Variants in CENPC observed in about 807,000 individuals in gnomAD.
The protein encoded by CENPC is CENP-C 1.
A neutral mutation model predicts 112.1 loss-of-function variants in CENPC; 63 were observed. The ratio of observed to expected loss-of-function variants is 0.56; its 90% CI spans 0.46 to 0.69. The LOEUF (loss-of-function observed/expected upper bound fraction) is 0.69. Among genes scored for constraint, CENPC ranks in the 30% least tolerant of loss-of-function variants. CENPC has a pLI of 0.00. For missense variants in CENPC, 1,000 were observed against 1,103.8 expected, an observed-to-expected ratio of 0.91 and a Z score of 1.33; for synonymous variants, 333 against 367.6, an observed-to-expected ratio of 0.91 and a Z score of 1.08.
intron 4 of CENPC, among the ~76,000 whole-genome samples, chr4:67,531,581 G>C (rs537743543): frequency 5.9e-5 from 9 of 152,222 alleles, no homozygotes; most frequent in Admixed American, 1.3e-4. Context: ...TTTCCTTCTG[G>C]GAGTGCGTAA....
chr4:67,509,143 G>T (rs368403874), intron 9 of CENPC, 38 bp from the exon 10 acceptor site: 1 of 1,518,644 alleles, frequency 6.6e-7, no homozygotes, highest in South Asian at 1.2e-5. Context: ...TAGTAAGTTT[G>T]TCCAGATGAT....
intron 5 of CENPC, among the ~76,000 whole-genome samples, chr4:67,528,825 G>C (rs555902489): frequency 1.3e-5 from 2 of 151,972 alleles, no homozygotes; most frequent in South Asian, 4.2e-4. Context: ...AATTCTTTTG[G>C]GTATATACCT....
At chr4:67,542,145 G>C (rs2109837741) in intron 2 of CENPC, among the ~76,000 whole-genome samples, 1 of 152,284 alleles carries the variant, frequency 6.6e-6, no homozygotes. Flanking sequence ...CTCTAACAGA[G>C]TGGACAAACT....
intron 14 of CENPC, 35 bp downstream of exon 14, chr4:67,493,849 T>C (rs376747591): frequency 6.9e-7 from 1 of 1,442,202 alleles, no homozygotes; most frequent in South Asian, 1.2e-5. Context: ...AACAAATTTT[T>C]TATTGACAGA....
chr4:67,518,169 T>C lies in CENPC; in HGVS notation c.817A>G (p.Lys273Glu). 1 of 1,537,124 alleles carries C rather than the reference T, an allele frequency of 6.5e-7. No homozygotes were observed. The highest frequency in any genetic ancestry group is 8.8e-7 in the Non-Finnish European group (1 of 1,139,496). The change falls in exon 7 of 19, where the codon AAA becomes GAA. Residue 273 changes from lysine to glutamate, a missense_variant. By Grantham distance (56) the Lys-to-Glu change is moderately conservative (BLOSUM62 1). Transcript: ENST00000273853. ...STLFLETVKR[K>E]SESSPIVRHA... ...TTAATAACTCACCTGGATTCACTTTTTCGTTTTACTGTTTCTAAAAACAAT... is the reference window on the plus strand; with the variant it reads ...TTAATAACTCACCTGGATTCACTTTCTCGTTTTACTGTTTCTAAAAACAAT...
rs1465487230 is a variant in CENPC, at chr4:67,530,837, T to C, written c.309A>G (p.Pro103=). ...AACCTGATCTGTTTGTGGCTTCACT[T>C]GGTTCTACAACAAACTGTAGAGAGG... ...KEASLQFVVE[P]SEATNRSVQA... is the part of the protein sequence containing the mutation. The change falls in exon 5 of 19, where the codon CCA becomes CCG. Residue 103 remains proline (P), a synonymous_variant. Coordinates refer to ENST00000273853, the MANE Select transcript of CENPC (RefSeq NM_001812.4). 1 of 1,597,724 alleles carries C rather than the reference T, an allele frequency of 6.3e-7. No individual in the cohort carries two copies. Among genetic ancestry groups the C allele is most frequent in the South Asian group, 1.1e-5 (1 of 88,468 alleles).
At chr4:67,530,975 A>G in intron 4 of CENPC, 61 bp from the exon 5 acceptor site, 1 of 817,896 alleles carries the variant, frequency 1.2e-6, no homozygotes. Flanking sequence ...TCAATGAAAT[A>G]TATTTGTTTT....
chr4:67,496,749 G>T (rs1012196304), intron 12 of CENPC, among the ~76,000 whole-genome samples: 5 of 152,084 alleles, frequency 3.3e-5, no homozygotes, highest in African/African-American at 9.7e-5. Context: ...AGGGTAAAGG[G>T]GTTTCTTTTT....
At chr4:67,494,045 C>T in intron 13 of CENPC, 57 bp from the exon 14 acceptor site, 1 of 986,094 alleles carries the variant, frequency 1.0e-6, no homozygotes, top group East Asian at 2.7e-5. Flanking sequence ...TGGTACTTAG[C>T]AGTGGAAAGA....
At chr4:67,494,866 T>C (rs1463283183) in intron 13 of CENPC, among the ~76,000 whole-genome samples, 1 of 152,174 alleles carries the variant, frequency 6.6e-6, no homozygotes, top group East Asian at 1.9e-4. Flanking sequence ...AGTTACAGTT[T>C]CTTTGACAAA....
At chr4:67,488,786 T>C (rs1238283551) in intron 17 of CENPC, among the ~76,000 whole-genome samples, 1 of 152,006 alleles carries the variant, frequency 6.6e-6, no homozygotes, top group Non-Finnish European at 1.5e-5. Context: ...TGGAGGCCTA[T>C]AACATTTTCA....
chr4:67,529,890 A>G (rs1726494707), intron 5 of CENPC, among the ~76,000 whole-genome samples: 1 of 152,148 alleles, frequency 6.6e-6, no homozygotes, highest in Non-Finnish European at 1.5e-5. Context: ...TTGACAGAGG[A>G]AAAAACAAAT....
chr4:67,544,527 A>T (rs538479536), intron 1 of CENPC, among the ~76,000 whole-genome samples: 1 of 152,350 alleles, frequency 6.6e-6, no homozygotes, highest in South Asian at 2.1e-4. Context: ...CTTTATGTTT[A>T]TATGTATAAC....
intron 17 of CENPC, among the ~76,000 whole-genome samples, chr4:67,480,936 C>T (rs1207307498): frequency 2.0e-5 from 3 of 152,130 alleles, no homozygotes; most frequent in Non-Finnish European, 2.9e-5. Flanking sequence ...TACTGGAAGT[C>T]CTGGCCAGAG....
intron 4 of CENPC, among the ~76,000 whole-genome samples, chr4:67,531,758 T>C (rs932350874): frequency 6.6e-6 from 1 of 152,224 alleles, no homozygotes; most frequent in African/African-American, 2.4e-5. Flanking sequence ...GAAGCCTATA[T>C]ATGGATTCCT....
chr4:67,521,922 C>T (rs990644063), intron 5 of CENPC, among the ~76,000 whole-genome samples: 1 of 151,954 alleles, frequency 6.6e-6, no homozygotes, highest in South Asian at 2.1e-4. Context: ...ATGGTGGTTG[C>T]CAGGGCTAAT....
chr4:67,491,346 C>A lies in CENPC; in HGVS notation c.2515+834G>T, dbSNP rs573649311. Reference sequence around the variant, plus strand: ...CCACCACCACGCCCAGCTACCATTACCGCGTTTCTGATTTGACCTACTTCT... The same window carrying A: ...CCACCACCACGCCCAGCTACCATTAACGCGTTTCTGATTTGACCTACTTCT... On this transcript the variant is annotated intron_variant, in intron 16 of 18. Transcript: ENST00000273853. Among the ~76,000 whole-genome samples the A allele has an allele frequency of 1.9e-4, 28 of 149,828 alleles. No individual in the cohort carries two copies. In the South Asian group the frequency reaches 1.9e-3, roughly 10 times the overall value.
chr4:67,497,802 CTCCCAAA>C (rs376763259), intron 12 of CENPC, among the ~76,000 whole-genome samples: 95,750 of 151,926 alleles, frequency 0.63, 30,427 homozygotes, highest in East Asian at 0.81. Context: ...TGTTGGGTGG[CTCCCAAA>C]GTGAGCCACC....
chr4:67,509,727 G>A (rs1322200031), intron 9 of CENPC, among the ~76,000 whole-genome samples: 1 of 151,950 alleles, frequency 6.6e-6, no homozygotes, highest in African/African-American at 2.4e-5. Context: ...ATTAGTAGAA[G>A]TCCTCATTAT....
Sources: allele counts gnomAD v4.1 joint callset (sites outside exome capture counted in the v4.1 genomes callset), GRCh38; gene constraint gnomAD v4.1.1; transcripts MANE v1.5; gene names NCBI Gene and HGNC (gene_info 2026-07-23, HGNC 2026-07-21).